SRPX2: variants seen among roughly 807,000 people sequenced by gnomAD.
SRPX2 encodes the protein sushi repeat-containing protein SRPX2.
Under a neutral mutation model 45.3 loss-of-function variants are expected in SRPX2, and 26 were observed. The observed-to-expected ratio is 0.57, with a 90% CI of 0.42 to 0.80. The LOEUF is 0.80. Ranked by LOEUF, SRPX2 falls within the 30% of genes least tolerant of loss-of-function variation. The pLI is 0.00. For synonymous variants in SRPX2, 125 were observed against 143.7 expected (o/e 0.87, Z 0.93); for missense variants, 355 against 399.8 (o/e 0.89, Z 0.95).
chrX:100,672,509 G>A lies in SRPX2; in HGVS notation c.*1522G>A, dbSNP rs1434991694. 1 of 112,600 alleles carries A rather than the reference G, an allele frequency of 8.9e-6. No homozygotes were observed. Among genetic ancestry groups the A allele is most frequent in the African/African-American group, 3.2e-5 (1 of 30,879 alleles). The allele number at this position is 112,600 out of a possible 1,213,427, so 9.3% of individuals were successfully genotyped here. A position where few individuals can be genotyped will look rare whatever the true frequency, so the allele number is the denominator to read the frequency against. On this transcript the variant is annotated 3_prime_UTR_variant, in exon 11 of 11. Transcript: ENST00000373004. ...CTGTTATTAACCCCATTTTACAGAT[G>A]AGGAAATTGAAGCTGAGTGAGATTA... is the stretch of plus-strand genomic sequence containing the variant.
intron 1 of SRPX2, among the ~76,000 whole-genome samples, chrX:100,645,421 A>G (rs1015948209): frequency 2.7e-5 from 3 of 111,725 alleles, no homozygotes; most frequent in Non-Finnish European, 5.6e-5. Context: ...CCCTCTCCTC[A>G]TGTACCTCAG....
chrX:100,662,479 A>G (rs2083191735), intron 4 of SRPX2, 112 bp downstream of exon 4: 1 of 892,584 alleles, frequency 1.1e-6, no homozygotes, highest in Admixed American at 2.3e-5. Context: ...CTCAAGTACA[A>G]ATTGAGAATA....
At chrX:100,665,978 G>T (rs1419017) in intron 7 of SRPX2, among the ~76,000 whole-genome samples, 1 of 111,251 alleles carries the variant, frequency 9.0e-6, no homozygotes, top group Non-Finnish European at 1.9e-5. Flanking sequence ...CCATCATTCT[G>T]TCGTTCACCT....
At chrX:100,661,257 C>A (rs1325482763) in intron 3 of SRPX2, among the ~76,000 whole-genome samples, 1 of 111,820 alleles carries the variant, frequency 8.9e-6, no homozygotes, top group Non-Finnish European at 1.9e-5. Flanking sequence ...TGATGCTGAA[C>A]ATCTTTTCAT....
At chrX:100,670,525 G>A (rs962731479) in intron 10 of SRPX2, among the ~76,000 whole-genome samples, 2 of 111,948 alleles carry the variant, frequency 1.8e-5, no homozygotes, top group African/African-American at 3.3e-5. Flanking sequence ...CCTGCTTAAA[G>A]GGGCCTACAA....
chrX:100,661,855 C>T (rs925318310), intron 3 of SRPX2, among the ~76,000 whole-genome samples: 6 of 109,261 alleles, frequency 5.5e-5, no homozygotes, highest in East Asian at 2.8e-4. Context: ...ATCCCAGTGA[C>T]CTTCTCCTGT....
At chrX:100,646,637 G>A (rs1374097110) in intron 2 of SRPX2, among the ~76,000 whole-genome samples, 1 of 112,185 alleles carries the variant, frequency 8.9e-6, no homozygotes, top group Admixed American at 9.5e-5. Flanking sequence ...ACAAACATGA[G>A]AAGGTTGGAC....
chrX:100,673,475 C>A lies in SRPX2; in HGVS notation c.*2488C>A, dbSNP rs924199126. On this transcript the variant is annotated 3_prime_UTR_variant, in exon 11 of 11. Transcript: ENST00000373004. Reference sequence around the variant, plus strand: ...CCAGACCCAAAGGGGCTAGCCCGACCCCTGTATATATTGTACCTCTCTCTC... The same window carrying A: ...CCAGACCCAAAGGGGCTAGCCCGACACCTGTATATATTGTACCTCTCTCTC... The A allele has an allele frequency of 1.8e-5, 2 of 110,290 alleles. No homozygotes were observed. The highest frequency in any genetic ancestry group is 6.6e-5 in the African/African-American group (2 of 30,239). 9.1% of individuals were successfully genotyped at this position (110,290 alleles called of 1,213,427 possible).
chrX:100,646,108 G>A, intron 1 of SRPX2, 85 bp from the exon 2 acceptor site: 1 of 428,080 alleles, frequency 2.3e-6, no homozygotes, highest in Admixed American at 3.9e-5. Context: ...ACAGAGTCTT[G>A]TTATTCTATA....
At chrX:100,662,022 T>A in intron 3 of SRPX2, 154 bp from the exon 4 acceptor site, 1 of 497,636 alleles carries the variant, frequency 2.0e-6, no homozygotes, top group Middle Eastern at 5.7e-4. Context: ...TCCACTTAAT[T>A]GTTTTTGCAC....
chrX:100,655,344 C>A (rs1205698994), intron 3 of SRPX2, among the ~76,000 whole-genome samples: 5 of 110,365 alleles, frequency 4.5e-5, no homozygotes, highest in Middle Eastern at 9.5e-3. Flanking sequence ...GCTATACCAA[C>A]ATTTGCTTTA....
rs1006729424 is a variant in SRPX2 at position 100,666,982 on chromosome X, C to A, written c.961+49C>A. ...CAAGTGGATGTGGTGATCAGGGGAA[C>A]TTTGGAGGATCTTCCTCATGGACAG... On this transcript the variant is annotated intron_variant, in intron 8 of 10. Transcript: ENST00000373004. 5.1e-6 allele frequency: 6 copies of A among 1,177,558 alleles called. No homozygotes were observed. In the African/African-American group the frequency reaches 1.1e-4, roughly 21 times the overall value.
rs1466625922 is a variant in SRPX2, at chrX:100,655,867, T to G, written c.163+5002T>G. On this transcript the variant is annotated intron_variant, in intron 3 of 10. Transcript: ENST00000373004. ...GTGGGGTGGGGGAGTTTTTTTTTTTTTTTTTTTTTTTTTAAGACAAAGTTT... is the reference window on the plus strand; with the variant it reads ...GTGGGGTGGGGGAGTTTTTTTTTTTGTTTTTTTTTTTTTAAGACAAAGTTT... 3.7e-4 allele frequency among the ~76,000 whole-genome samples: 37 copies of G among 100,814 alleles called. No homozygotes were observed. In the South Asian group the frequency reaches 6.8e-3, roughly 18 times the overall value. The allele number at this position is 100,814 out of a possible 115,157, so 87.5% of individuals were successfully genotyped here.
At chrX:100,656,011 A>G (rs2083168133) in intron 3 of SRPX2, among the ~76,000 whole-genome samples, 1 of 108,358 alleles carries the variant, frequency 9.2e-6, no homozygotes, top group Non-Finnish European at 1.9e-5. Flanking sequence ...TTACAGGCGC[A>G]CACTACGGCA....
Position 100,646,302 on chromosome X carries a change from C to G in SRPX2, c.-21C>G. On this transcript the variant is annotated 5_prime_UTR_variant, in exon 2 of 11. Coordinates refer to ENST00000373004, the MANE Select transcript of SRPX2 (RefSeq NM_014467.3). ...AGGCCATATACATCTTTTCTTGTCT[C>G]CATAATCCTCCCTTTCAAGGATGGC... 8.3e-7 allele frequency: 1 copy of G among 1,201,982 alleles called. No homozygotes were observed. The highest frequency in any genetic ancestry group is 1.1e-6 in the Non-Finnish European group (1 of 887,375).
Position 100,666,934 on chromosome X carries a change from G to A in SRPX2, c.961+1G>A, listed in dbSNP as rs1303998333. The A allele has an allele frequency of 7.5e-6, 9 of 1,205,821 alleles. No homozygotes were observed. Among genetic ancestry groups the A allele is most frequent in the East Asian group, 3.0e-5 (1 of 33,715 alleles). ...TCAGGTTCACCACCAATCTGTGCTC[G>A]TGAGTGAAACCGGGGAATGGGGCAA... On this transcript the variant is annotated splice_donor_variant, in intron 8 of 10. Transcript: ENST00000373004. LOFTEE classifies it high-confidence loss of function.
rs200339934 is a variant in SRPX2, at chrX:100,649,357, A to ACC, written c.83-1426_83-1425dup. ...TGAAACAGCTGACAAAAATTCCATG[A>ACC]CCCGCCCCCCGACTCCCCCGCACCC... On this transcript the variant is annotated intron_variant, in intron 2 of 10. Coordinates refer to ENST00000373004, the MANE Select transcript of SRPX2 (RefSeq NM_014467.3). The ACC allele has an allele frequency of 1.7e-3, 182 of 106,455 alleles. 1 individual carries two copies. Among genetic ancestry groups the ACC allele is most frequent in the African/African-American group, 5.8e-3 (162 of 27,726 alleles). The allele number at this position is 106,455 out of a possible 1,213,427, so 8.8% of individuals were successfully genotyped here.
chrX:100,646,161 A>G (rs944143800), intron 1 of SRPX2, 32 bp from the exon 2 acceptor site: 6 of 486,068 alleles, frequency 1.2e-5, no homozygotes, highest in Non-Finnish European at 1.8e-5. Flanking sequence ...AAAGGCATTC[A>G]TTAATTATAA....
In SRPX2 at chrX:100,665,264, G is replaced by A. The variant is rs768629864; in HGVS notation, c.554G>A (p.Arg185His). 8 of 1,210,136 alleles carry A rather than the reference G, an allele frequency of 6.6e-6. No homozygotes were observed. The highest frequency in any genetic ancestry group is 5.9e-5 in the East Asian group (2 of 33,807). Reference sequence around the variant, plus strand: ...GCAGACATAGATCCCCCCAAGATCCGCTGTCCCCACTCACGTGAGAAGATG... The same window carrying A: ...GCAGACATAGATCCCCCCAAGATCCACTGTCCCCACTCACGTGAGAAGATG... ...VCVDIDPPKI[R>H]CPHSREKMAE... Residue 185 changes from arginine (R) to histidine (H), a missense_variant, in exon 6 of 11, where the codon CGC becomes CAC. Coordinates refer to ENST00000373004, the MANE Select transcript of SRPX2 (RefSeq NM_014467.3).
Sources: gnomAD v4.1 joint callset for allele counts (sites outside exome capture counted in the v4.1 genomes callset) on GRCh38, gnomAD v4.1.1 for gene constraint, MANE v1.5 for transcripts, NCBI Gene and HGNC (gene_info 2026-07-23, HGNC 2026-07-21) for gene names.